The following GALNT17 variants were observed in gnomAD, a reference collection of about 807,000 sequenced individuals.
GALNT17 encodes UDP-GalNAc:polypeptide N-acetylgalactosaminyltransferase-like 3.
A neutral mutation model predicts 63.7 loss-of-function variants in GALNT17; 29 were observed. The ratio of observed to expected loss-of-function variants is 0.46; its 90% CI spans 0.34 to 0.62. The LOEUF (loss-of-function observed/expected upper bound fraction) is 0.62. Ranked by LOEUF, GALNT17 falls within the 20% of genes least tolerant of loss-of-function variation. The probability of loss-of-function intolerance (pLI) is 0.01; values close to 1 mark genes in which losing one functional copy is unlikely to be tolerated. For missense variants in GALNT17, 603 were observed against 799.6 expected (o/e 0.75, Z 2.97); for synonymous variants, 305 against 318.3 (o/e 0.96, Z 0.45).
rs187588816 is a variant in GALNT17 at position 71,423,806 on chromosome 7, C to G, written c.962+2701C>G. Among the ~76,000 whole-genome samples the G allele has an allele frequency of 3.9e-5, 6 of 152,018 alleles. No homozygotes were observed. In the East Asian group the frequency reaches 9.7e-4, roughly 25 times the overall value. On this transcript the variant is annotated intron_variant, in intron 5 of 10. Transcript: ENST00000333538. ...GGGTGGTGGTGTGCTCTTGTAATCT[C>G]AGCTACCCAGGAAGCTGAGGAAGGA...
At chr7:71,666,217 G>T (rs567698096) in intron 7 of GALNT17, among the ~76,000 whole-genome samples, 5 of 151,950 alleles carry the variant, frequency 3.3e-5, no homozygotes, top group African/African-American at 1.2e-4. Flanking sequence ...TTTGTTCCAG[G>T]ATTCCCTGTG....
chr7:71,382,661 G>A (rs1792868732), intron 2 of GALNT17, among the ~76,000 whole-genome samples: 1 of 152,110 alleles, frequency 6.6e-6, no homozygotes, highest in Admixed American at 6.6e-5. Flanking sequence ...TGACAGGAAG[G>A]AGAGGTTGCA....
intron 6 of GALNT17, among the ~76,000 whole-genome samples, chr7:71,580,580 G>A (rs971720831): frequency 4.6e-5 from 7 of 152,092 alleles, no homozygotes; most frequent in East Asian, 3.9e-4. Flanking sequence ...ATAAAGCTGC[G>A]TACACTCAGG....
chr7:71,333,203 G>A (rs1452232049), intron 1 of GALNT17, among the ~76,000 whole-genome samples: 1 of 152,112 alleles, frequency 6.6e-6, no homozygotes, highest in Non-Finnish European at 1.5e-5. Context: ...TCTACTTTCA[G>A]GTTATACAGA....
At chr7:71,154,865 C>T (rs1021884775) in intron 1 of GALNT17, among the ~76,000 whole-genome samples, 4 of 151,818 alleles carry the variant, frequency 2.6e-5, no homozygotes, top group Non-Finnish European at 4.4e-5. Context: ...CGTGAGCCAC[C>T]GCGCCCGGCC....
chr7:71,701,731 ATATATATATGTG>A (rs1331541172), intron 9 of GALNT17, among the ~76,000 whole-genome samples: 10 of 138,202 alleles, frequency 7.2e-5, no homozygotes, highest in Non-Finnish European at 1.1e-4. Context: ...GTATGTATAT[ATATATATATGTG>A]TATATATATG....
intron 6 of GALNT17, among the ~76,000 whole-genome samples, chr7:71,655,086 C>T (rs1363302640): frequency 2.0e-5 from 3 of 152,088 alleles, no homozygotes; most frequent in Admixed American, 6.5e-5. Flanking sequence ...AGACACCATG[C>T]TCAGCCTACA....
At chr7:71,427,883 A>G (rs1024573796) in intron 5 of GALNT17, among the ~76,000 whole-genome samples, 1 of 152,064 alleles carries the variant, frequency 6.6e-6, no homozygotes. Flanking sequence ...CGTGTGAAGG[A>G]TGTAGGTTAC....
intron 5 of GALNT17, among the ~76,000 whole-genome samples, chr7:71,433,230 A>C (rs1274720223): frequency 6.6e-6 from 1 of 152,124 alleles, no homozygotes; most frequent in African/African-American, 2.4e-5. Flanking sequence ...GGCTCTAAAA[A>C]CCAAACAGCA....
intron 2 of GALNT17, among the ~76,000 whole-genome samples, chr7:71,343,267 A>T (rs895238913): frequency 3.3e-5 from 5 of 152,152 alleles, no homozygotes; most frequent in Admixed American, 2.6e-4. Context: ...TCCCCAATGG[A>T]TAGGATCCTT....
intron 1 of GALNT17, among the ~76,000 whole-genome samples, chr7:71,329,946 C>CACACAT (rs1563007586): frequency 6.7e-6 from 1 of 149,076 alleles, no homozygotes; most frequent in African/African-American, 2.5e-5. Flanking sequence ...TATATACACA[C>CACACAT]ATATGTGTGT....
chr7:71,259,242 C>T (rs6943302), intron 1 of GALNT17, among the ~76,000 whole-genome samples: 1,666 of 152,246 alleles, frequency 0.011, 41 homozygotes, highest in African/African-American at 0.039. Context: ...ATCTCTGAGT[C>T]AGAGGGAGTT....
At chr7:71,366,142 G>A (rs1014375916) in intron 2 of GALNT17, among the ~76,000 whole-genome samples, 33 of 152,236 alleles carry the variant, frequency 2.2e-4, no homozygotes, top group African/African-American at 7.7e-4. Flanking sequence ...CACGTGAGTA[G>A]ATGGGGAGAG....
At chr7:71,542,645 G>A (rs973315887) in intron 5 of GALNT17, among the ~76,000 whole-genome samples, 9 of 147,858 alleles carry the variant, frequency 6.1e-5, no homozygotes, top group African/African-American at 1.5e-4. Context: ...GCAGTGAGCC[G>A]AGATGGCATC....
At chr7:71,682,962 G>A (rs904024705) in intron 9 of GALNT17, among the ~76,000 whole-genome samples, 4 of 152,188 alleles carry the variant, frequency 2.6e-5, no homozygotes, top group East Asian at 1.9e-4. Flanking sequence ...CTCCTTTCCT[G>A]CTGGGAGCTT....
intron 6 of GALNT17, among the ~76,000 whole-genome samples, chr7:71,590,235 G>C (rs969172961): frequency 2.6e-5 from 4 of 152,100 alleles, no homozygotes; most frequent in Admixed American, 1.3e-4. Context: ...TTCTATTAAG[G>C]GGAGATAGAT....
At chr7:71,298,616 T>C (rs963299363) in intron 1 of GALNT17, among the ~76,000 whole-genome samples, 5 of 152,046 alleles carry the variant, frequency 3.3e-5, no homozygotes, top group African/African-American at 1.2e-4. Flanking sequence ...TCCAGGTGGC[T>C]GGGCTTTTCT....
chr7:71,604,467 C>G (rs1423638370), intron 6 of GALNT17, among the ~76,000 whole-genome samples: 1 of 152,194 alleles, frequency 6.6e-6, no homozygotes, highest in African/African-American at 2.4e-5. Context: ...GTTAAGTGCT[C>G]ATTGCCTTAT....
chr7:71,343,034 GAGCCCAT>G (rs1363152941), intron 2 of GALNT17, among the ~76,000 whole-genome samples: 1 of 152,196 alleles, frequency 6.6e-6, no homozygotes, highest in Non-Finnish European at 1.5e-5. Flanking sequence ...ATAAATTTGA[GAGCCCAT>G]AGGCCATAGG....
Sources: allele counts gnomAD v4.1 joint callset (sites outside exome capture counted in the v4.1 genomes callset), GRCh38; gene constraint gnomAD v4.1.1; transcripts MANE v1.5; gene names NCBI Gene and HGNC (gene_info 2026-07-23, HGNC 2026-07-21).